OTUD5: variants seen among roughly 807,000 people sequenced by gnomAD.
The protein encoded by OTUD5 is OTU domain-containing protein 5.
OTUD5 carries 2 observed loss-of-function variants against 36.3 expected under a neutral mutation model. That is an observed-to-expected ratio of 0.06 (90% CI 0.02 to 0.17). OTUD5 has a LOEUF of 0.17. Among genes scored for constraint, OTUD5 ranks in the 10% least tolerant of loss-of-function variants. The probability of loss-of-function intolerance (pLI) is 1.00; values close to 1 mark genes in which losing one functional copy is unlikely to be tolerated. For synonymous variants in OTUD5, 234 were observed against 214.9 expected (o/e 1.09, Z -0.78); for missense variants, 233 against 512.3 (o/e 0.45, Z 5.26).
upstream of OTUD5, chrX:48,957,745 G>A: frequency 1.3e-6 from 1 of 792,521 alleles, no homozygotes; most frequent in East Asian, 1.2e-4. Flanking sequence ...GGCGGCGGCG[G>A]CGGCGGTGGC....
chrX:48,934,648 G>A (rs782719245), intron 4 of OTUD5, 36 bp from the exon 5 acceptor site: 10 of 1,208,222 alleles, frequency 8.3e-6, no homozygotes, highest in Non-Finnish European at 1.0e-5. Flanking sequence ...ATCCACAGCA[G>A]GCCAGGTTGG....
Position 48,949,001 on chromosome X carries a change from C to T in OTUD5, c.595-4718G>A, listed in dbSNP as rs1445381206. ...GACTTAGGTTCCAATCTAGCTCCAC[C>T]AATTATTAGCCATGTGATGATGAAC... On this transcript the variant is annotated intron_variant, in intron 1 of 8. Coordinates refer to ENST00000376488, the MANE Select transcript of OTUD5 (RefSeq NM_001136157.2). Among the ~76,000 whole-genome samples, 5 of 111,374 alleles carry T rather than the reference C, an allele frequency of 4.5e-5. No homozygotes were observed. The East Asian group carries it at 1.1e-3, about 25-fold the overall frequency.
chrX:48,923,636 A>G lies in OTUD5; in HGVS notation c.1576T>C (p.Phe526Leu). ...CCCCCAGACAAAGGAGGCTTACCAA[A>G]GGCAGAGGGGGACATCTGCTGAATG... ...ALIQQMSPSA[F>L]GLNDWDDDEI... The change falls in exon 8 of 9, where the codon TTT becomes CTT. Residue 526 changes from phenylalanine (F) to leucine (L), a missense_variant. Phe to Leu is a conservative substitution (Grantham distance 22). Around this residue, in one of 3 missense-constraint regions of OTUD5, gnomAD observed 57 missense variants for 133.1 expected, o/e 0.43. Coordinates refer to ENST00000376488, the MANE Select transcript of OTUD5 (RefSeq NM_001136157.2). 1 of 1,186,192 alleles carries G rather than the reference A, an allele frequency of 8.4e-7. No individual in the cohort carries two copies. The highest frequency in any genetic ancestry group is 1.8e-5 in the South Asian group (1 of 55,512).
chrX:48,957,550 C>T lies in OTUD5; in HGVS notation c.21G>A (p.Lys7=). The T allele has an allele frequency of 1.2e-6, 1 of 818,889 alleles. No homozygotes were observed. Among genetic ancestry groups the T allele is most frequent in the Non-Finnish European group, 1.5e-6 (1 of 674,114 alleles). The allele number at this position is 818,889 out of a possible 1,213,427, so 67.5% of individuals were successfully genotyped here. Reference sequence around the variant, plus strand: ...GGTCGGCGTCGGGAGGCGGCGGCTTCTTTTTGGGGAGTATAGTCATGGCTG... The same window carrying T: ...GGTCGGCGTCGGGAGGCGGCGGCTTTTTTTTGGGGAGTATAGTCATGGCTG... MTILPK[K]KPPPPDADPA... The change falls in exon 1 of 9, where the codon AAG becomes AAA. Residue 7 remains lysine (K), a synonymous_variant. Coordinates refer to ENST00000376488, the MANE Select transcript of OTUD5 (RefSeq NM_001136157.2).
chrX:48,939,635 C>T (rs781822465), intron 2 of OTUD5, among the ~76,000 whole-genome samples: 5 of 112,058 alleles, frequency 4.5e-5, no homozygotes, highest in Non-Finnish European at 9.4e-5. Flanking sequence ...GGACCCCCTA[C>T]CCCACCAACC....
At chrX:48,935,125 C>A in intron 2 of OTUD5, 107 bp from the exon 3 acceptor site, 1 of 753,251 alleles carries the variant, frequency 1.3e-6, no homozygotes, top group East Asian at 3.5e-5. Flanking sequence ...AGGGAAATTC[C>A]CTTTTCTACC....
At chrX:48,957,962 G>C (rs2064287481), upstream of OTUD5, 13 of 341,478 alleles carry the variant, frequency 3.8e-5, no homozygotes, top group Non-Finnish European at 5.0e-5. Flanking sequence ...TGGGGCCCCG[G>C]GGCGCTGCGC....
At chrX:48,948,103 T>A (rs2064064205) in intron 1 of OTUD5, among the ~76,000 whole-genome samples, 1 of 112,751 alleles carries the variant, frequency 8.9e-6, no homozygotes, top group African/African-American at 3.2e-5. Flanking sequence ...ATCCCAGCAC[T>A]TTGGGAGGCC....
chrX:48,943,568 G>A (rs2063969575), intron 2 of OTUD5, among the ~76,000 whole-genome samples: 1 of 110,598 alleles, frequency 9.0e-6, no homozygotes, highest in Admixed American at 9.7e-5. Context: ...GGTACATGAG[G>A]GTTCATCATT....
At chrX:48,938,203 G>T (rs2063859961) in intron 2 of OTUD5, among the ~76,000 whole-genome samples, 2 of 111,335 alleles carry the variant, frequency 1.8e-5, no homozygotes, top group Non-Finnish European at 3.8e-5. Context: ...GCTTTTGAGG[G>T]GGGAAACACA....
chrX:48,932,818 T>C (rs1320717357), intron 5 of OTUD5, among the ~76,000 whole-genome samples: 1 of 110,710 alleles, frequency 9.0e-6, no homozygotes, highest in Non-Finnish European at 1.9e-5. Context: ...TTACAAAAAG[T>C]TTTTTTAAAA....
At chrX:48,926,579 CTGACCTCAGGT>C (rs2063670086) in intron 5 of OTUD5, among the ~76,000 whole-genome samples, 1 of 111,266 alleles carries the variant, frequency 9.0e-6, no homozygotes, top group African/African-American at 3.3e-5. Context: ...CCTTGAACTC[CTGACCTCAGGT>C]GATCCACCCG....
At position 48,938,085 on chromosome X, in the gene OTUD5, G is replaced by A. The variant is rs189818787; in HGVS notation, c.689-3067C>T. ...TAAAACAGGGTCCTAAAGTATGGACGAGTTATGACACTTCTTTACTTATCT... is the reference window on the plus strand; with the variant it reads ...TAAAACAGGGTCCTAAAGTATGGACAAGTTATGACACTTCTTTACTTATCT... On this transcript the variant is annotated intron_variant, in intron 2 of 8. Coordinates refer to ENST00000376488, the MANE Select transcript of OTUD5 (RefSeq NM_001136157.2). 8.9e-5 allele frequency among the ~76,000 whole-genome samples: 10 copies of A among 112,009 alleles called. No homozygotes were observed. In the East Asian group the frequency reaches 2.8e-3, roughly 31 times the overall value.
At chrX:48,949,203 CA>C (rs1414567402) in intron 1 of OTUD5, among the ~76,000 whole-genome samples, 1 of 111,758 alleles carries the variant, frequency 8.9e-6, no homozygotes, top group African/African-American at 3.3e-5. Flanking sequence ...AATAGCCACG[CA>C]AAGATATCAA....
chrX:48,938,315 G>A (rs1227187232), intron 2 of OTUD5, among the ~76,000 whole-genome samples: 3 of 111,723 alleles, frequency 2.7e-5, no homozygotes, highest in Non-Finnish European at 3.8e-5. Flanking sequence ...ACCCCAACAA[G>A]GGAGAATAGA....
chrX:48,934,890 A>G, intron 3 of OTUD5, 23 bp from the exon 4 acceptor site: 2 of 1,207,648 alleles, frequency 1.7e-6, no homozygotes, highest in Non-Finnish European at 2.2e-6. Flanking sequence ...TTGGAAGGTT[A>G]AGGTCTGTGT....
At chrX:48,933,092 A>C (rs181530731) in intron 5 of OTUD5, among the ~76,000 whole-genome samples, 1 of 112,424 alleles carries the variant, frequency 8.9e-6, no homozygotes, top group African/African-American at 3.2e-5. Context: ...AAAAAGCTAC[A>C]TACTGTACAT....
Position 48,923,024 on chromosome X carries a change from G to A in OTUD5, c.*150C>T. 2 of 1,133,744 alleles carry A rather than the reference G, an allele frequency of 1.8e-6. No individual in the cohort carries two copies. Among genetic ancestry groups the A allele is most frequent in the Non-Finnish European group, 2.3e-6 (2 of 858,256 alleles). 93.4% of individuals were successfully genotyped at this position (1,133,744 alleles called of 1,213,427 possible). On this transcript the variant is annotated 3_prime_UTR_variant, in exon 9 of 9. Transcript: ENST00000376488. Reference sequence around the variant, plus strand: ...GGCAATGAGAGAGAGTGCAGGGGTGGGCTAGCCAGAGGGAAGTGAGGAGGA... The same window carrying A: ...GGCAATGAGAGAGAGTGCAGGGGTGAGCTAGCCAGAGGGAAGTGAGGAGGA...
rs782694741 is a variant in OTUD5 at position 48,922,536 on chromosome X, T to G, written c.*638A>C. ...GGAGGCCAGAAGACAGCAACCCATA[T>G]CTTTGCACCCTCCTCCATGCCCCAT... On this transcript the variant is annotated 3_prime_UTR_variant, in exon 9 of 9. Transcript: ENST00000376488. The G allele has an allele frequency of 5.2e-5, 39 of 753,938 alleles. No homozygotes were observed. In the South Asian group the frequency reaches 5.4e-4, roughly 10 times the overall value. The allele number at this position is 753,938 out of a possible 1,213,427, so 62.1% of individuals were successfully genotyped here. A position where few individuals can be genotyped will look rare whatever the true frequency, so the allele number is the denominator to read the frequency against.
Sources: gnomAD v4.1 joint callset for allele counts (sites outside exome capture counted in the v4.1 genomes callset) on GRCh38, gnomAD v4.1.1 for gene constraint, gnomAD v4.1.1 regional missense constraint, MANE v1.5 for transcripts, NCBI Gene and HGNC (gene_info 2026-07-23, HGNC 2026-07-21) for gene names.